The following PIK3CB variants were observed in gnomAD, a reference collection of about 807,000 sequenced individuals.
The protein encoded by PIK3CB is phosphatidylinositol 4,5-bisphosphate 3-kinase catalytic subunit beta isoform.
PIK3CB carries 39 observed loss-of-function variants against 136.8 expected under a neutral mutation model. That is an observed-to-expected ratio of 0.29 (90% CI 0.22 to 0.37). The LOEUF (loss-of-function observed/expected upper bound fraction) is 0.37, where lower values mean the gene tolerates loss of function less well. Among genes scored for constraint, PIK3CB ranks in the 10% least tolerant of loss-of-function variants. PIK3CB has a pLI of 1.00. For missense variants in PIK3CB, 868 were observed against 1,275.4 expected, an observed-to-expected ratio of 0.68 and a Z score of 4.87; for synonymous variants, 428 against 436.6, an observed-to-expected ratio of 0.98 and a Z score of 0.25.
At chr3:138,779,017 C>T (rs2045892074) in intron 2 of PIK3CB, among the ~76,000 whole-genome samples, 1 of 80,120 alleles carries the variant, frequency 1.2e-5, no homozygotes, top group Admixed American at 1.5e-4. Context: ...ATTCAGCACC[C>T]CTCTACTGCC....
chr3:138,834,616 C>T (rs951792929), intron 1 of PIK3CB, 79 bp downstream of exon 1: 1 of 153,162 alleles, frequency 6.5e-6, no homozygotes, highest in Non-Finnish European at 1.5e-5. Flanking sequence ...CGCCAGCACG[C>T]CCGGGGGCAC....
At chr3:138,695,088 T>G (rs1490445840) in intron 13 of PIK3CB, among the ~76,000 whole-genome samples, 181 bp from the exon 14 acceptor site, 2 of 152,208 alleles carry the variant, frequency 1.3e-5, no homozygotes, top group Admixed American at 1.3e-4. Flanking sequence ...TGTTGAAACA[T>G]TCTATAGATT....
At chr3:138,739,236 G>A (rs1002179662) in intron 5 of PIK3CB, among the ~76,000 whole-genome samples, 12 of 151,988 alleles carry the variant, frequency 7.9e-5, no homozygotes, top group African/African-American at 2.9e-4. Context: ...ATGAGGTCAG[G>A]AGATCATGAC....
intron 3 of PIK3CB, among the ~76,000 whole-genome samples, chr3:138,757,528 A>G (rs1016317033): frequency 2.7e-5 from 4 of 148,780 alleles, no homozygotes; most frequent in African/African-American, 1.0e-4. Flanking sequence ...CACAGAAAAT[A>G]TGGCAAACAA....
intron 1 of PIK3CB, among the ~76,000 whole-genome samples, chr3:138,820,087 T>C (rs1021343674): frequency 1.3e-5 from 2 of 152,194 alleles, no homozygotes; most frequent in Non-Finnish European, 1.5e-5. Context: ...AACTGAAAAT[T>C]GATGATCTTA....
rs770901856 is a variant in PIK3CB at position 138,691,108 on chromosome 3, A to G, written c.1928T>C (p.Val643Ala). The G allele has an allele frequency of 1.2e-5, 20 of 1,613,064 alleles. No individual in the cohort carries two copies. Among genetic ancestry groups the G allele is most frequent in the Non-Finnish European group, 1.6e-5 (19 of 1,179,278 alleles). The change falls in exon 15 of 24, where the codon GTG (valine) becomes GCG (alanine). Residue 643 changes from valine to alanine, a missense_variant. Physicochemically the swap from Val to Ala is moderately conservative, Grantham distance 64. Transcript: ENST00000674063. Reference protein sequence around the residue: ...EELSQYLLQLVQVLKYEPFLD... With the variant: ...EELSQYLLQLAQVLKYEPFLD... ...AAAAGGCTCATATTTTAACACTTGC[A>G]CCAGTTGTAAAAGATATTGAGAAAG... is the stretch of plus-strand genomic sequence containing the variant.
chr3:138,712,380 C>CA (rs2044521045), intron 9 of PIK3CB, 76 bp from the exon 10 acceptor site: 1 of 575,296 alleles, frequency 1.7e-6, no homozygotes, highest in Admixed American at 3.4e-5. Context: ...TCCTTTGTTT[C>CA]AATAATGTTA....
chr3:138,736,876 G>T (rs1211148736), intron 6 of PIK3CB, among the ~76,000 whole-genome samples: 1 of 152,150 alleles, frequency 6.6e-6, no homozygotes, highest in African/African-American at 2.4e-5. Flanking sequence ...AAATATTTCA[G>T]ACTGGAATTG....
chr3:138,775,600 T>C (rs1484500922), intron 2 of PIK3CB, among the ~76,000 whole-genome samples: 2 of 152,168 alleles, frequency 1.3e-5, no homozygotes, highest in Non-Finnish European at 2.9e-5. Flanking sequence ...GATCAGGCTA[T>C]GTCATCTAAA....
chr3:138,685,420 A>AAAAAAAAAAAGAAAG (rs2043866681), intron 16 of PIK3CB, among the ~76,000 whole-genome samples: 12 of 86,966 alleles, frequency 1.4e-4, no homozygotes, highest in Non-Finnish European at 1.8e-4. Context: ...AAAAAAAAAA[A>AAAAAAAAAAAGAAAG]AAAGAAAGAA....
chr3:138,785,465 T>C (rs1435905700), intron 2 of PIK3CB, among the ~76,000 whole-genome samples: 1 of 152,232 alleles, frequency 6.6e-6, no homozygotes, highest in African/African-American at 2.4e-5. Context: ...CATTTTGTTC[T>C]GTACTAAGAA....
At chr3:138,765,730 T>A (rs1320272825) in intron 2 of PIK3CB, among the ~76,000 whole-genome samples, 1 of 150,134 alleles carries the variant, frequency 6.7e-6, no homozygotes, top group Non-Finnish European at 1.5e-5. Flanking sequence ...GGCACACACC[T>A]GTAGTCCCAT....
rs1460344860 is a variant in PIK3CB, at chr3:138,742,708, C to G, written c.471G>C (p.Glu157Asp). The change falls in exon 5 of 24, where the codon GAG (glutamate) becomes GAC (aspartate). Residue 157 changes from glutamate (E) to aspartate (D), a missense_variant. Glu to Asp is a conservative substitution (Grantham distance 45). Coordinates refer to ENST00000674063, the MANE Select transcript of PIK3CB (RefSeq NM_006219.3). Reference protein sequence around the residue: ...EFRRKMRKFSEEKILSLVGLS... With the variant: ...EFRRKMRKFSDEKILSLVGLS... The stretch of plus-strand genomic sequence containing the variant: ...ATCCCACAAGTGACAGGATTTTTTC[C>G]TCGCTGAATTTGCGCATTTTTCTTC... 4 of 1,613,558 alleles carry G rather than the reference C, an allele frequency of 2.5e-6. No individual in the cohort carries two copies. The South Asian group carries it at 4.4e-5, about 18-fold the overall frequency.
chr3:138,826,299 G>C (rs1933779013), intron 1 of PIK3CB: 1 of 1,597,474 alleles, frequency 6.3e-7, no homozygotes, highest in South Asian at 1.1e-5. Context: ...AGGTCACCAA[G>C]TCTGCCCAGA....
chr3:138,691,733 T>C (rs538974876), intron 14 of PIK3CB, among the ~76,000 whole-genome samples: 83 of 152,310 alleles, frequency 5.4e-4, no homozygotes, highest in Admixed American at 9.2e-4. Context: ...CAGGTAATTC[T>C]TTATAATGGT....
At chr3:138,756,019 T>G (rs1282504775) in intron 3 of PIK3CB, 40 bp from the exon 4 acceptor site, 1 of 1,133,768 alleles carries the variant, frequency 8.8e-7, no homozygotes, top group Admixed American at 1.7e-5. Flanking sequence ...ATGGAAACAC[T>G]TGCTCAAGTG....
At chr3:138,673,097 GCA>G (rs919867612) in intron 19 of PIK3CB, among the ~76,000 whole-genome samples, 4 of 152,052 alleles carry the variant, frequency 2.6e-5, no homozygotes, top group African/African-American at 7.2e-5. Context: ...CAACGCCAGA[GCA>G]CACAGAGACT....
chr3:138,804,307 A>G (rs1191101573), intron 1 of PIK3CB, among the ~76,000 whole-genome samples: 1 of 152,114 alleles, frequency 6.6e-6, no homozygotes, highest in Non-Finnish European at 1.5e-5. Flanking sequence ...TGAGCCCAGG[A>G]GTTCAAGACC....
rs367937949 is a variant in PIK3CB at position 138,682,009 on chromosome 3, C to T, written c.2462G>A (p.Arg821His). ...TTCTTTCCAGAGTAAATCCATCAAG[C>T]GCAACATTTGGAGTGTCAACATATC... ...RQDMLTLQML[R>H]LMDLLWKEAG... The change falls in exon 19 of 24, where the codon CGC (arginine) becomes CAC (histidine). Residue 821 changes from arginine to histidine, a missense_variant. Arg to His is a conservative substitution (Grantham distance 29). Coordinates refer to ENST00000674063, the MANE Select transcript of PIK3CB (RefSeq NM_006219.3). 14 of 1,611,572 alleles carry T rather than the reference C, an allele frequency of 8.7e-6. No homozygotes were observed. Among genetic ancestry groups the T allele is most frequent in the African/African-American group, 4.0e-5 (3 of 74,626 alleles).
Sources: gnomAD v4.1 joint callset for allele counts (sites outside exome capture counted in the v4.1 genomes callset) on GRCh38, gnomAD v4.1.1 for gene constraint, MANE v1.5 for transcripts, NCBI Gene and HGNC (gene_info 2026-07-23, HGNC 2026-07-21) for gene names.